NRXN2: variants seen among roughly 807,000 people sequenced by gnomAD.
The protein encoded by NRXN2 is neurexin-2-beta.
A neutral mutation model predicts 128.8 loss-of-function variants in NRXN2; 29 were observed. The observed-to-expected ratio is 0.23, with a 90% CI of 0.17 to 0.31. NRXN2 has a LOEUF of 0.31. NRXN2 is among the 10% of genes least tolerant of loss of function. The probability of loss-of-function intolerance (pLI) is 1.00; values close to 1 mark genes in which losing one functional copy is unlikely to be tolerated. For synonymous variants in NRXN2, 1,098 were observed against 1,075.2 expected (o/e 1.02, Z -0.41); for missense variants, 1,881 against 2,452.6 (o/e 0.77, Z 4.92).
intron 7 of NRXN2, among the ~76,000 whole-genome samples, chr11:64,671,543 G>C (rs1380264031): frequency 6.6e-6 from 1 of 152,080 alleles, no homozygotes; most frequent in Non-Finnish European, 1.5e-5. Context: ...TGGGGGAGGA[G>C]GGAAGGGAGG....
chr11:64,657,791 T>C (rs949892842), intron 11 of NRXN2, among the ~76,000 whole-genome samples: 1 of 152,108 alleles, frequency 6.6e-6, no homozygotes, highest in Non-Finnish European at 1.5e-5. Flanking sequence ...ACGGATGCAT[T>C]TGCACCAAGC....
intron 2 of NRXN2, among the ~76,000 whole-genome samples, chr11:64,709,190 C>CAAAAAAAAAAAAAAAAAAAAAAAAA (rs112450142): frequency 1.2e-5 from 1 of 83,418 alleles, no homozygotes. Context: ...GACTCCATCT[C>CAAAAAAAAAAAAAAAAAAAAAAAAA]AAAAAAAAAA....
rs1565304959 is a variant in NRXN2 at position 64,651,887 on chromosome 11, A to T, written c.2536+148T>A. Reference sequence around the variant, plus strand: ...CGTTCCTGGGGTCCAGATGCCCATAACATTCCACCCCTGAAGGAGAAATGG... The same window carrying T: ...CGTTCCTGGGGTCCAGATGCCCATATCATTCCACCCCTGAAGGAGAAATGG... On this transcript the variant is annotated intron_variant, in intron 13 of 22. Transcript: ENST00000265459. The surrounding 1 kb of genome is among the most constrained non-coding windows in gnomAD (Gnocchi z 5.9). 7.7e-7 allele frequency: 1 copy of T among 1,294,290 alleles called. No individual in the cohort carries two copies. The highest frequency in any genetic ancestry group is 1.1e-6 in the Non-Finnish European group (1 of 910,214). The allele number at this position is 1,294,290 out of a possible 1,614,324, so 80.2% of individuals were successfully genotyped here. A position where few individuals can be genotyped will look rare whatever the true frequency, so the allele number is the denominator to read the frequency against.
chr11:64,654,483 T>C (rs1213876422), intron 11 of NRXN2, among the ~76,000 whole-genome samples: 2 of 152,136 alleles, frequency 1.3e-5, no homozygotes, highest in Non-Finnish European at 1.5e-5. Flanking sequence ...CACAAAGCAG[T>C]TGGGGACAAG....
intron 9 of NRXN2, among the ~76,000 whole-genome samples, chr11:64,666,479 G>C (rs1056418767): frequency 2.0e-5 from 3 of 152,084 alleles, no homozygotes; most frequent in African/African-American, 7.2e-5. Context: ...TGGAATTACA[G>C]GCGTGAGCCA....
In NRXN2 at chr11:64,608,102, A is replaced by G; in HGVS notation, c.4253-20T>C. The G allele has an allele frequency of 6.4e-7, 1 of 1,574,718 alleles. No individual in the cohort carries two copies. Among genetic ancestry groups the G allele is most frequent in the Non-Finnish European group, 8.6e-7 (1 of 1,165,332 alleles). Reference sequence around the variant, plus strand: ...CTCCTCCTAGAACAAGAGAGAGAAGAGAAAAGAGAGGGCGTCAGCGAGGGC... The same window carrying G: ...CTCCTCCTAGAACAAGAGAGAGAAGGGAAAAGAGAGGGCGTCAGCGAGGGC... On this transcript the variant is annotated intron_variant, in intron 22 of 22. Transcript: ENST00000265459.
intron 2 of NRXN2, among the ~76,000 whole-genome samples, chr11:64,703,877 TC>T: frequency 6.6e-6 from 1 of 152,228 alleles, no homozygotes; most frequent in Non-Finnish European, 1.5e-5. Context: ...CGATATTACT[TC>T]CATCTTACAG....
chr11:64,672,658 G>C (rs531726016), intron 7 of NRXN2, among the ~76,000 whole-genome samples: 1 of 152,260 alleles, frequency 6.6e-6, no homozygotes, highest in East Asian at 1.9e-4. Flanking sequence ...AACTAGTCTA[G>C]GGGAAAGGTC....
Position 64,660,315 on chromosome 11 carries a change from C to CA in NRXN2, c.2389+16dup, listed in dbSNP as rs1565331954. On this transcript the variant is annotated intron_variant, in intron 11 of 22. Transcript: ENST00000265459. This position sits in a 1 kb window ranked among gnomAD's most constrained non-coding sequence, Gnocchi z 5.2. The stretch of plus-strand genomic sequence containing the variant: ...AGGCCAGGTGAGGGGTCAGGAAGCA[C>CA]AGGGCAGGGTGGTTACCGAGGTTGA... The CA allele has an allele frequency of 6.2e-7, 1 of 1,612,404 alleles. No homozygotes were observed. Among genetic ancestry groups the CA allele is most frequent in the East Asian group, 2.2e-5 (1 of 44,870 alleles).
At chr11:64,627,093 C>A (rs1243156105) in intron 19 of NRXN2, among the ~76,000 whole-genome samples, 1 of 152,094 alleles carries the variant, frequency 6.6e-6, no homozygotes, top group Admixed American at 6.5e-5. Flanking sequence ...CTTCTCCAGG[C>A]CACCTCAACT....
chr11:64,650,131 G>C (rs965381240), intron 15 of NRXN2, among the ~76,000 whole-genome samples: 1 of 152,036 alleles, frequency 6.6e-6, no homozygotes, highest in African/African-American at 2.4e-5. Flanking sequence ...AACCAACATA[G>C]GCTTCTCAAC....
At chr11:64,633,053 T>G (rs1331932725) in intron 18 of NRXN2, among the ~76,000 whole-genome samples, 1 of 152,132 alleles carries the variant, frequency 6.6e-6, no homozygotes, top group Non-Finnish European at 1.5e-5. Context: ...GCTCCTCTCA[T>G]GGACCCCCAC....
At chr11:64,644,753 G>T (rs983188342) in intron 17 of NRXN2, among the ~76,000 whole-genome samples, 5 of 152,074 alleles carry the variant, frequency 3.3e-5, no homozygotes, top group African/African-American at 1.2e-4. Flanking sequence ...AGGAGGGCTG[G>T]GTAAGGAAAG....
Position 64,607,487 on chromosome 11 carries a change from C to A in NRXN2, c.4848G>T (p.Gly1616=), listed in dbSNP as rs1364683252. 1 of 1,603,562 alleles carries A rather than the reference C, an allele frequency of 6.2e-7. No homozygotes were observed. The highest frequency in any genetic ancestry group is 2.2e-5 in the East Asian group (1 of 44,728). ...CGCCCGGCGGGCCCCGCTCCCCAGG[C>A]CCTGTGGGGTTGGCTGTGGGCAGAT... is the stretch of plus-strand genomic sequence containing the variant. ...FPHLPTANPT[G]PGERGPPGAV... Residue 1616 remains glycine, a synonymous_variant, in exon 23 of 23, where the codon GGG becomes GGT. Coordinates refer to ENST00000265459, the MANE Select transcript of NRXN2 (RefSeq NM_015080.4).
chr11:64,679,163 G>A (rs2051788099), intron 6 of NRXN2, among the ~76,000 whole-genome samples: 1 of 152,240 alleles, frequency 6.6e-6, no homozygotes, highest in Admixed American at 6.5e-5. Context: ...GCCCAGAACG[G>A]TAAGTGTTGT....
intron 17 of NRXN2, among the ~76,000 whole-genome samples, chr11:64,644,434 C>G (rs970004602): frequency 1.3e-5 from 2 of 152,134 alleles, no homozygotes; most frequent in Admixed American, 6.5e-5. Flanking sequence ...CTAGAGGACA[C>G]CTGCCCACTG....
Position 64,690,448 on chromosome 11 carries a change from C to G in NRXN2, c.807G>C (p.Gly269=), listed in dbSNP as rs768865082. ...CATCGCCGGCTCCTCCTCTCCCGGC[C>G]CCCCCCTCGGAGAACAGTAAGGACC... ...EVGSLLFSEG[G]AGRGGAGDVH... The change falls in exon 5 of 23, where the codon GGG becomes GGC. Residue 269 remains glycine, a synonymous_variant. Coordinates refer to ENST00000265459, the MANE Select transcript of NRXN2 (RefSeq NM_015080.4). 15 of 1,613,488 alleles carry G rather than the reference C, an allele frequency of 9.3e-6. No individual in the cohort carries two copies. In the Admixed American group the frequency reaches 1.0e-4, roughly 11 times the overall value.
rs781599387 is a variant in NRXN2, at chr11:64,677,054, G to C, written c.1153-17C>G. On this transcript the variant is annotated splice_polypyrimidine_tract_variant and intron_variant, in intron 6 of 22. Coordinates refer to ENST00000265459, the MANE Select transcript of NRXN2 (RefSeq NM_015080.4). Reference sequence around the variant, plus strand: ...CCCTGCGTGCTTCACCGGAGATATGGGGGGATGGGGAGGAGGGGGGTGTCA... The same window carrying C: ...CCCTGCGTGCTTCACCGGAGATATGCGGGGATGGGGAGGAGGGGGGTGTCA... 7 of 1,491,938 alleles carry C rather than the reference G, an allele frequency of 4.7e-6. No homozygotes were observed. The Admixed American group carries it at 1.1e-4, about 23-fold the overall frequency. The allele number at this position is 1,491,938 out of a possible 1,614,324, so 92.4% of individuals were successfully genotyped here.
At chr11:64,633,588 C>T (rs1220714888) in intron 18 of NRXN2, among the ~76,000 whole-genome samples, 1 of 152,160 alleles carries the variant, frequency 6.6e-6, no homozygotes, top group South Asian at 2.1e-4. Context: ...ACAGGGAAAC[C>T]CAGTCACACC....
Sources: gnomAD v4.1 joint callset for allele counts (sites outside exome capture counted in the v4.1 genomes callset) on GRCh38, gnomAD v4.1.1 for gene constraint, Gnocchi (gnomAD v3.1) non-coding constraint, MANE v1.5 for transcripts, NCBI Gene and HGNC (gene_info 2026-07-23, HGNC 2026-07-21) for gene names.